Variants in OSBPL9 observed in about 807,000 individuals in gnomAD.
The protein encoded by OSBPL9 is oxysterol binding protein like 9, also known as oxysterol-binding protein-related protein 9.
In OSBPL9, 40 loss-of-function variants were observed where a neutral mutation model predicts 106.6. The observed-to-expected ratio is 0.38, with a 90% CI of 0.29 to 0.49. OSBPL9 has a LOEUF of 0.49. Ranked by LOEUF, OSBPL9 falls within the 20% of genes least tolerant of loss-of-function variation. The pLI is 0.97. For missense variants in OSBPL9, 609 were observed against 887.2 expected, an observed-to-expected ratio of 0.69 and a Z score of 3.98; for synonymous variants, 269 against 295.4, an observed-to-expected ratio of 0.91 and a Z score of 0.92.
rs58221259 is a variant in OSBPL9, at chr1:51,617,996, T to TTGTGTGTGTGTG, written c.111+792_111+803dup. On this transcript the variant is annotated intron_variant, in intron 1 of 23. Transcript: ENST00000428468. ...ATGAATTGCTGTGAATCTTACGTGG[T>TTGTGTGTGTGTG]TGTGTGTGTGTGTGTGTGTGTGTGT... Among the ~76,000 whole-genome samples the TTGTGTGTGTGTG allele has an allele frequency of 2.3e-3, 332 of 145,758 alleles. 3 individuals carry two copies. Among genetic ancestry groups the TTGTGTGTGTGTG allele is most frequent in the South Asian group, 4.4e-3 (20 of 4,566 alleles).
At chr1:51,536,267 T>C in the OSBPL9 span, among the ~76,000 whole-genome samples, 1 of 152,188 alleles carries the variant, frequency 6.6e-6, no homozygotes, top group East Asian at 1.9e-4. Flanking sequence ...GGTAATGCAT[T>C]ATACTTAACT....
intron 9 of OSBPL9, chr1:51,756,571 G>C (rs971632428): frequency 1.1e-5 from 6 of 530,336 alleles, no homozygotes; most frequent in African/African-American, 1.9e-5. Context: ...TGTGGGTTCA[G>C]ATTGAATCAC....
the OSBPL9 span, among the ~76,000 whole-genome samples, chr1:51,541,463 T>C: frequency 1.3e-5 from 2 of 152,218 alleles, no homozygotes; most frequent in African/African-American, 2.4e-5. Context: ...TTATTGCTGC[T>C]AATTGCCTCA....
At chr1:51,595,694 G>T (rs1029762767) in intron 1 of OSBPL9, among the ~76,000 whole-genome samples, 2 of 152,122 alleles carry the variant, frequency 1.3e-5, no homozygotes, top group Non-Finnish European at 2.9e-5. Context: ...GGAAAATGAG[G>T]CTCAAAGAGG....
At chr1:51,627,967 C>T (rs1355973947) in intron 1 of OSBPL9, among the ~76,000 whole-genome samples, 1 of 152,086 alleles carries the variant, frequency 6.6e-6, no homozygotes, top group Admixed American at 6.6e-5. Flanking sequence ...TACTCTTTTA[C>T]AGCTTTAAAA....
chr1:51,626,388 C>G (rs1195338301), intron 1 of OSBPL9, among the ~76,000 whole-genome samples: 1 of 152,164 alleles, frequency 6.6e-6, no homozygotes, highest in Non-Finnish European at 1.5e-5. Context: ...TCTCCTCTCT[C>G]TATTTAACTT....
In OSBPL9 at chr1:51,745,406, A is replaced by C; in HGVS notation, c.319-130A>C. ...ATAGACCTAACTGTTAAATAGACCT[A>C]TTATTTGTGTCAAAATAGAACTGTA... On this transcript the variant is annotated intron_variant, in intron 4 of 23. Coordinates refer to ENST00000428468, the MANE Select transcript of OSBPL9 (RefSeq NM_024586.6). 6.0e-6 allele frequency: 8 copies of C among 1,342,518 alleles called. No homozygotes were observed. In the South Asian group the frequency reaches 1.2e-4, roughly 20 times the overall value. The allele number at this position is 1,342,518 out of a possible 1,614,324, so 83.2% of individuals were successfully genotyped here. A position where few individuals can be genotyped will look rare whatever the true frequency, so the allele number is the denominator to read the frequency against.
At chr1:51,596,873 T>C (rs1645302781) in intron 1 of OSBPL9, among the ~76,000 whole-genome samples, 2 of 152,142 alleles carry the variant, frequency 1.3e-5, no homozygotes, top group South Asian at 2.1e-4. Context: ...AGAACAAGAC[T>C]GGCAAGTCTC....
chr1:51,613,264 C>G (rs1283905709), upstream of OSBPL9, among the ~76,000 whole-genome samples: 1 of 152,216 alleles, frequency 6.6e-6, no homozygotes, highest in East Asian at 1.9e-4. Flanking sequence ...AAGATCCCCA[C>G]AGTTTGCTTA....
chr1:51,660,354 G>A (rs1348783102), intron 2 of OSBPL9, among the ~76,000 whole-genome samples: 1 of 151,866 alleles, frequency 6.6e-6, no homozygotes, highest in Non-Finnish European at 1.5e-5. Context: ...ACAGTCAAAG[G>A]GAAAAGACAA....
At chr1:51,704,681 C>G (rs753937118) in intron 3 of OSBPL9, among the ~76,000 whole-genome samples, 1 of 152,178 alleles carries the variant, frequency 6.6e-6, no homozygotes, top group Non-Finnish European at 1.5e-5. Context: ...CTTATATCCT[C>G]ATGTGTTGGA....
chr1:51,633,266 T>G (rs1018120895), intron 1 of OSBPL9, among the ~76,000 whole-genome samples: 4 of 151,378 alleles, frequency 2.6e-5, no homozygotes, highest in African/African-American at 9.7e-5. Context: ...GCCACTTTTA[T>G]CTTTATTATA....
At chr1:51,585,817 A>T (rs972218239) in intron 1 of OSBPL9, among the ~76,000 whole-genome samples, 1 of 151,782 alleles carries the variant, frequency 6.6e-6, no homozygotes, top group Non-Finnish European at 1.5e-5. Context: ...CAGAAAATTT[A>T]ACTCCAAGAA....
intron 2 of OSBPL9, among the ~76,000 whole-genome samples, chr1:51,656,989 C>T (rs989162468): frequency 5.9e-5 from 9 of 152,112 alleles, no homozygotes; most frequent in Admixed American, 5.2e-4. Context: ...TATTTTTTTA[C>T]ATTTGTAATT....
intron 23 of OSBPL9, 45 bp from the exon 24 acceptor site, chr1:51,787,670 G>A (rs1390967405): frequency 6.2e-7 from 1 of 1,601,844 alleles, no homozygotes; most frequent in Non-Finnish European, 8.6e-7. Flanking sequence ...TATTACAGAA[G>A]TACAAAGCAA....
At chr1:51,626,689 T>C (rs1191449666) in intron 1 of OSBPL9, among the ~76,000 whole-genome samples, 1 of 143,900 alleles carries the variant, frequency 6.9e-6, no homozygotes, top group Non-Finnish European at 1.5e-5. Flanking sequence ...TTTGTTTTGC[T>C]TTTTTTTTTT....
the OSBPL9 span, among the ~76,000 whole-genome samples, chr1:51,547,637 A>C: frequency 2.6e-5 from 4 of 152,144 alleles, no homozygotes; most frequent in Non-Finnish European, 5.9e-5. Flanking sequence ...TGAGCCGAGG[A>C]GTTTGAAACC....
chr1:51,691,794 C>T (rs1410463277), intron 3 of OSBPL9, among the ~76,000 whole-genome samples: 1 of 151,498 alleles, frequency 6.6e-6, no homozygotes, highest in Non-Finnish European at 1.5e-5. Context: ...GATACAAACA[C>T]ACACATGATC....
chr1:51,568,452 T>C, the OSBPL9 span, among the ~76,000 whole-genome samples: 3 of 152,198 alleles, frequency 2.0e-5, no homozygotes, highest in African/African-American at 7.2e-5. Context: ...TTATGCTTTG[T>C]AAAAACTCTA....
Sources: gnomAD v4.1 joint callset for allele counts (sites outside exome capture counted in the v4.1 genomes callset) on GRCh38, gnomAD v4.1.1 for gene constraint, MANE v1.5 for transcripts, NCBI Gene and HGNC (gene_info 2026-07-23, HGNC 2026-07-21) for gene names.